CACNA1D: variants seen among roughly 807,000 people sequenced by gnomAD.
The protein encoded by CACNA1D is calcium voltage-gated channel subunit alpha1 D, also known as voltage-dependent L-type calcium channel subunit alpha-1D.
In CACNA1D, 55 loss-of-function variants were observed where a neutral mutation model predicts 257.1. The observed-to-expected ratio is 0.21, with a 90% CI of 0.17 to 0.27. CACNA1D has a LOEUF of 0.27. Ranked by LOEUF, CACNA1D falls within the 10% of genes least tolerant of loss-of-function variation. The probability of loss-of-function intolerance (pLI) is 1.00; values close to 1 mark genes in which losing one functional copy is unlikely to be tolerated. For synonymous variants in CACNA1D, 980 were observed against 1,014.9 expected (o/e 0.97, Z 0.65); for missense variants, 1,876 against 2,784.0 (o/e 0.67, Z 7.34).
At chr3:53,525,641 CCT>C (rs1248413226) in intron 3 of CACNA1D, among the ~76,000 whole-genome samples, 3 of 152,032 alleles carry the variant, frequency 2.0e-5, no homozygotes. Context: ...CTGAAGGTGA[CCT>C]ATATAATTCC....
chr3:53,696,050 A>G lies in CACNA1D; in HGVS notation c.1221-6591A>G, dbSNP rs117763737. Among the ~76,000 whole-genome samples the G allele has an allele frequency of 6.2e-3, 949 of 152,084 alleles. 25 individuals are homozygous for G. In the East Asian group the frequency reaches 0.086, roughly 14 times the overall value. ...ACAGTCACAGCTCACTGCAACCTCA[A>G]CCTCCCAGGCTCGGGTGATCCTCCT... On this transcript the variant is annotated intron_variant, in intron 8 of 47. Coordinates refer to ENST00000350061, the MANE Select transcript of CACNA1D (RefSeq NM_001128840.3).
At chr3:53,601,180 A>C (rs886907907) in intron 3 of CACNA1D, among the ~76,000 whole-genome samples, 1 of 151,996 alleles carries the variant, frequency 6.6e-6, no homozygotes, top group Non-Finnish European at 1.5e-5. Context: ...CTGCCCCTCC[A>C]TCCTCCTTGA....
chr3:53,588,639 A>G (rs1393489401), intron 3 of CACNA1D, among the ~76,000 whole-genome samples: 3 of 152,218 alleles, frequency 2.0e-5, no homozygotes, highest in African/African-American at 7.2e-5. Flanking sequence ...CCCTGAGAGC[A>G]GCAAAGGCCC....
At chr3:53,523,054 A>G (rs2091640062) in intron 3 of CACNA1D, among the ~76,000 whole-genome samples, 1 of 152,146 alleles carries the variant, frequency 6.6e-6, no homozygotes, top group Admixed American at 6.5e-5. Context: ...ACTTACCGTG[A>G]TGGAAGTTGG....
chr3:53,635,797 C>T (rs2093876158), intron 3 of CACNA1D, among the ~76,000 whole-genome samples: 1 of 152,196 alleles, frequency 6.6e-6, no homozygotes, highest in South Asian at 2.1e-4. Context: ...AACCTGGTTC[C>T]ACCCATTCTC....
intron 26 of CACNA1D, 66 bp from the exon 27 acceptor site, chr3:53,749,202 G>A: frequency 1.8e-6 from 2 of 1,142,608 alleles, no homozygotes; most frequent in Non-Finnish European, 2.6e-6. Flanking sequence ...GACCTGGGAA[G>A]GCAGCGGGCT....
intron 11 of CACNA1D, 52 bp downstream of exon 11, chr3:53,719,833 T>C: frequency 6.6e-7 from 1 of 1,524,602 alleles, no homozygotes; most frequent in South Asian, 1.1e-5. Flanking sequence ...CCTTTGTATG[T>C]TCTCACTTCT....
rs769205525 is a variant in CACNA1D at position 53,722,455 on chromosome 3, T to C, written c.1647T>C (p.Asp549=). Residue 549 remains aspartate, a synonymous_variant, in exon 12 of 48, where the codon GAT becomes GAC. Transcript: ENST00000350061. ...CCTCTGAGCACTACAATCAGCCAGA[T>C]TGGTTGACACAGATTCAAGGTACAA... ...TISSEHYNQP[D]WLTQIQDIAN... The C allele has an allele frequency of 4.5e-5, 73 of 1,614,098 alleles. 2 individuals are homozygous for C. In the Admixed American group the frequency reaches 1.2e-3, roughly 26 times the overall value.
rs2094892131 is a variant in CACNA1D at position 53,722,464 on chromosome 3, A to G, written c.1656A>G (p.Thr552=). Residue 552 remains threonine, a synonymous_variant, in exon 12 of 48, where the codon ACA becomes ACG. Transcript: ENST00000350061. ...SEHYNQPDWL[T]QIQDIANKVL... is the part of the protein sequence containing the mutation. The stretch of plus-strand genomic sequence containing the variant: ...ACTACAATCAGCCAGATTGGTTGAC[A>G]CAGATTCAAGGTACAAGCAGAGGCC... 6.2e-7 allele frequency: 1 copy of G among 1,614,046 alleles called. No homozygotes were observed.
Position 53,494,883 on chromosome 3 carries a change from A to G in CACNA1D, c.-284A>G. On this transcript the variant is annotated 5_prime_UTR_variant, in exon 1 of 48. In the 5' UTR this introduces an upstream ATG that the reference lacks. Coordinates refer to ENST00000350061, the MANE Select transcript of CACNA1D (RefSeq NM_001128840.3). ...CTTTGCAGCAAAAAATTACATGTAT[A>G]TATTATTAAGATAATATATACATTG... 2 of 327,488 alleles carry G rather than the reference A, an allele frequency of 6.1e-6. No individual in the cohort carries two copies. The highest frequency in any genetic ancestry group is 7.2e-5 in the South Asian group (2 of 27,826). 20.3% of individuals were successfully genotyped at this position (327,488 alleles called of 1,614,324 possible).
intron 3 of CACNA1D, among the ~76,000 whole-genome samples, chr3:53,543,331 A>G (rs1288109149): frequency 2.0e-5 from 3 of 152,050 alleles, no homozygotes; most frequent in Non-Finnish European, 4.4e-5. Context: ...CCCCCAACCC[A>G]TTTCGGGAGT....
intron 3 of CACNA1D, among the ~76,000 whole-genome samples, chr3:53,569,696 G>A (rs941890679): frequency 3.3e-5 from 5 of 152,152 alleles, no homozygotes; most frequent in Admixed American, 2.6e-4. Flanking sequence ...ATTGATACCA[G>A]GCATTCAACT....
chr3:53,711,312 A>T (rs1473448169), intron 9 of CACNA1D, among the ~76,000 whole-genome samples: 1 of 152,240 alleles, frequency 6.6e-6, no homozygotes, highest in East Asian at 1.9e-4. Flanking sequence ...CTTGCCTTTG[A>T]AAGTGAGAAT....
At chr3:53,796,246 C>T in intron 40 of CACNA1D, 1 of 443,734 alleles carries the variant, frequency 2.3e-6, no homozygotes, top group Non-Finnish European at 4.6e-6. Context: ...CAGGGCCAGC[C>T]TAGGCTGAGT....
intron 3 of CACNA1D, among the ~76,000 whole-genome samples, chr3:53,533,747 G>T (rs2092027231): frequency 6.6e-6 from 1 of 152,162 alleles, no homozygotes; most frequent in Non-Finnish European, 1.5e-5. Context: ...GACAGGGAAG[G>T]ATAGATTTTG....
rs528911545 is a variant in CACNA1D, at chr3:53,610,643, G to T, written c.484-40136G>T. Among the ~76,000 whole-genome samples the T allele has an allele frequency of 2.0e-5, 3 of 152,084 alleles. No individual in the cohort carries two copies. The South Asian group carries it at 6.2e-4, about 32-fold the overall frequency. ...AAGTGTTTGTGTCATTTATGTTTGG[G>T]TTTTAAGTCTACCATCTTGGTACTT... On this transcript the variant is annotated intron_variant, in intron 3 of 47. Transcript: ENST00000350061.
At chr3:53,533,013 CTG>C (rs755993419) in intron 3 of CACNA1D, among the ~76,000 whole-genome samples, 10 of 152,174 alleles carry the variant, frequency 6.6e-5, no homozygotes, top group Non-Finnish European at 1.5e-4. Context: ...GAGATACAAA[CTG>C]AGAATTTTGC....
intron 38 of CACNA1D, 98 bp from the exon 39 acceptor site, chr3:53,781,468 G>A (rs905755607): frequency 1.4e-5 from 11 of 804,258 alleles, no homozygotes; most frequent in Non-Finnish European, 2.4e-5. Context: ...AGGGCAGCAT[G>A]TTCATCCAGG....
chr3:53,772,905 T>A lies in CACNA1D; in HGVS notation c.4110+7T>A. ...TGCGGTCATTGGCATGCAGGTAAGC[T>A]CCAGCCATCTCGCCCTCAGGGGCCC... On this transcript the variant is annotated splice_region_variant and intron_variant, in intron 33 of 47. Coordinates refer to ENST00000350061, the MANE Select transcript of CACNA1D (RefSeq NM_001128840.3). The A allele has an allele frequency of 6.2e-7, 1 of 1,612,952 alleles. No homozygotes were observed. The highest frequency in any genetic ancestry group is 8.5e-7 in the Non-Finnish European group (1 of 1,178,984).
Sources: allele counts gnomAD v4.1 joint callset (sites outside exome capture counted in the v4.1 genomes callset), GRCh38; gene constraint gnomAD v4.1.1; transcripts MANE v1.5; gene names NCBI Gene and HGNC (gene_info 2026-07-23, HGNC 2026-07-21).